SAXO1: variants seen among roughly 807,000 people sequenced by gnomAD.
SAXO1 encodes 4930500O09Rik.
A neutral mutation model predicts 17.5 loss-of-function variants in SAXO1; 21 were observed. That is an observed-to-expected ratio of 1.20 (90% CI 0.85 to 1.72). The LOEUF (loss-of-function observed/expected upper bound fraction) is 1.72. Ranked by LOEUF, SAXO1 falls within the 40% of genes most tolerant of loss-of-function variation. The probability of loss-of-function intolerance (pLI) is 0.00; values close to 1 mark genes in which losing one functional copy is unlikely to be tolerated. For missense variants in SAXO1, 843 were observed against 596.0 expected, an observed-to-expected ratio of 1.41 and a Z score of -4.32; for synonymous variants, 274 against 216.5, an observed-to-expected ratio of 1.27 and a Z score of -2.33.
intron 2 of SAXO1, among the ~76,000 whole-genome samples, chr9:18,949,200 C>T (rs1474106306): frequency 2.0e-5 from 3 of 152,216 alleles, no homozygotes; most frequent in African/African-American, 7.2e-5. Context: ...CATCAGGACA[C>T]ACAAACACTG....
intron 1 of SAXO1, among the ~76,000 whole-genome samples, chr9:18,994,355 G>C (rs531517949): frequency 2.0e-5 from 3 of 152,292 alleles, no homozygotes; most frequent in Admixed American, 2.0e-4. Flanking sequence ...TGTTTTCTTA[G>C]GATCTGTCCG....
chr9:19,026,751 C>T (rs977070397), intron 1 of SAXO1: 18 of 402,658 alleles, frequency 4.5e-5, no homozygotes, highest in African/African-American at 3.7e-4. Flanking sequence ...AAATGCTGGG[C>T]CGGGCGTGGT....
intron 1 of SAXO1, among the ~76,000 whole-genome samples, chr9:19,007,673 T>C (rs1243149323): frequency 6.6e-6 from 1 of 152,190 alleles, no homozygotes; most frequent in Non-Finnish European, 1.5e-5. Context: ...ACTATGGCCT[T>C]AGAGCCAAAT....
intron 1 of SAXO1, among the ~76,000 whole-genome samples, chr9:18,953,165 C>T (rs1193233014): frequency 5.9e-5 from 9 of 152,222 alleles, no homozygotes; most frequent in Non-Finnish European, 8.8e-5. Flanking sequence ...TTTATTCACC[C>T]ACATTCTAAA....
intron 1 of SAXO1, among the ~76,000 whole-genome samples, chr9:19,005,360 C>A (rs1475778337): frequency 6.6e-6 from 1 of 152,060 alleles, no homozygotes; most frequent in Non-Finnish European, 1.5e-5. Flanking sequence ...TAAAGACCCA[C>A]ACTTCCTGAT....
intron 1 of SAXO1, among the ~76,000 whole-genome samples, chr9:18,990,869 C>A (rs1833785949): frequency 6.6e-6 from 1 of 152,148 alleles, no homozygotes. Flanking sequence ...AATGGGACCA[C>A]CTTGTTGCAA....
chr9:18,966,169 T>C (rs1832708742), intron 1 of SAXO1, among the ~76,000 whole-genome samples: 1 of 152,218 alleles, frequency 6.6e-6, no homozygotes, highest in Admixed American at 6.5e-5. Flanking sequence ...CTGGATGCCC[T>C]TAACATTTTT....
intron 1 of SAXO1, among the ~76,000 whole-genome samples, chr9:18,996,048 C>CA (rs1833986874): frequency 7.2e-6 from 1 of 138,540 alleles, no homozygotes; most frequent in South Asian, 2.2e-4. Context: ...CACAGCACTC[C>CA]AATCTCAGCA....
chr9:18,992,615 A>G (rs573763185), intron 1 of SAXO1, among the ~76,000 whole-genome samples: 1 of 152,140 alleles, frequency 6.6e-6, no homozygotes, highest in East Asian at 1.9e-4. Flanking sequence ...GTTAACCACT[A>G]CTCTCCAAAC....
chr9:19,012,007 G>A (rs78992647), intron 1 of SAXO1, among the ~76,000 whole-genome samples: 1 of 151,884 alleles, frequency 6.6e-6, no homozygotes, highest in African/African-American at 2.4e-5. Context: ...CACCATGCCC[G>A]GCCAATTTTT....
intron 1 of SAXO1, among the ~76,000 whole-genome samples, chr9:19,024,399 A>T (rs1392817900): frequency 6.6e-6 from 1 of 151,268 alleles, no homozygotes; most frequent in Non-Finnish European, 1.5e-5. Context: ...CAATGAGAAC[A>T]CATGGACACA....
chr9:19,032,828 A>T, intron 1 of SAXO1, 43 bp downstream of exon 1: 1 of 1,602,326 alleles, frequency 6.2e-7, no homozygotes, highest in Non-Finnish European at 8.5e-7. Context: ...GGAGTCTGAA[A>T]ACCCAGGCTC....
chr9:18,979,261 A>G (rs992260511), intron 1 of SAXO1, among the ~76,000 whole-genome samples: 10 of 152,224 alleles, frequency 6.6e-5, no homozygotes, highest in African/African-American at 2.4e-4. Flanking sequence ...AAATTGTTGA[A>G]TATACTACTA....
chr9:19,001,798 G>C (rs1034991779), intron 1 of SAXO1, among the ~76,000 whole-genome samples: 6 of 152,104 alleles, frequency 3.9e-5, no homozygotes, highest in African/African-American at 1.4e-4. Context: ...AAGCATGAAA[G>C]ATCTAAAATC....
intron 1 of SAXO1, among the ~76,000 whole-genome samples, chr9:19,014,267 C>G (rs1414960671): frequency 1.3e-5 from 2 of 151,856 alleles, no homozygotes; most frequent in African/African-American, 4.8e-5. Context: ...GCAAGACCAG[C>G]CTGGCCAACG....
chr9:19,000,348 T>G (rs1834210061), intron 1 of SAXO1, among the ~76,000 whole-genome samples: 1 of 149,566 alleles, frequency 6.7e-6, no homozygotes, highest in South Asian at 2.1e-4. Context: ...GTCTGGGAAG[T>G]GAGGAGCCCC....
chr9:18,999,025 T>C (rs889962444), intron 1 of SAXO1, among the ~76,000 whole-genome samples: 5 of 152,222 alleles, frequency 3.3e-5, no homozygotes, highest in Admixed American at 6.5e-5. Flanking sequence ...AGACCACTGA[T>C]GCTATGAAGA....
Position 19,047,899 on chromosome 9 carries a change from G to C in SAXO1, c.-158+1310C>G, listed in dbSNP as rs78682917. 3.3e-5 allele frequency among the ~76,000 whole-genome samples: 5 copies of C among 152,220 alleles called. No individual in the cohort carries two copies. The East Asian group carries it at 9.6e-4, about 29-fold the overall frequency. Reference sequence around the variant, plus strand: ...AAAAGAATACCCAACTCGAAAGAACGGGGAAGGGAAACCCCAGAATGGTGG... The same window carrying C: ...AAAAGAATACCCAACTCGAAAGAACCGGGAAGGGAAACCCCAGAATGGTGG... On this transcript the variant is annotated intron_variant, in intron 1 of 3. Coordinates refer to the SAXO1 transcript ENST00000542071.
At chr9:18,932,223 C>T (rs534516031) in intron 3 of SAXO1, among the ~76,000 whole-genome samples, 9 of 152,148 alleles carry the variant, frequency 5.9e-5, no homozygotes, top group Non-Finnish European at 1.0e-4. Flanking sequence ...AGTTTGGATG[C>T]GGTAACTTCG....
Sources: allele counts gnomAD v4.1 joint callset (sites outside exome capture counted in the v4.1 genomes callset), GRCh38; gene constraint gnomAD v4.1.1; transcripts MANE v1.5; gene names NCBI Gene and HGNC (gene_info 2026-07-23, HGNC 2026-07-21).